Variants in RLF observed in about 807,000 individuals in gnomAD.
The protein encoded by RLF is zinc finger protein Rlf.
Under a neutral mutation model 162.9 loss-of-function variants are expected in RLF, and 7 were observed. That is an observed-to-expected ratio of 0.04 (90% CI 0.02 to 0.08). The LOEUF is 0.08. Among genes scored for constraint, RLF ranks in the 10% least tolerant of loss-of-function variants. The pLI is 1.00. For synonymous variants in RLF, 782 were observed against 791.5 expected, an observed-to-expected ratio of 0.99 and a Z score of 0.20; for missense variants, 1,664 against 2,244.7, an observed-to-expected ratio of 0.74 and a Z score of 5.23.
chr1:40,211,660 T>A (rs867293062), intron 5 of RLF, among the ~76,000 whole-genome samples: 1 of 152,162 alleles, frequency 6.6e-6, no homozygotes. Context: ...TCACTCTTGT[T>A]GCCCAAGCTG....
At chr1:40,235,021 GT>G (rs1362189446) in intron 7 of RLF, among the ~76,000 whole-genome samples, 1 of 145,718 alleles carries the variant, frequency 6.9e-6, no homozygotes, top group Non-Finnish European at 1.5e-5. Flanking sequence ...TATCTTTGAA[GT>G]TTTGAAAAAT....
chr1:40,185,227 T>A (rs1417417543), intron 1 of RLF, among the ~76,000 whole-genome samples: 1 of 151,336 alleles, frequency 6.6e-6, no homozygotes, highest in Non-Finnish European at 1.5e-5. Context: ...TCTAGCCGGG[T>A]TCAAGCAATT....
chr1:40,178,643 T>G (rs1225273929), intron 1 of RLF, among the ~76,000 whole-genome samples: 83 of 137,776 alleles, frequency 6.0e-4, no homozygotes, highest in African/African-American at 2.6e-3. Context: ...TTTTTTTTTT[T>G]TTTTTGGAGA....
intron 5 of RLF, among the ~76,000 whole-genome samples, chr1:40,217,469 T>C (rs746073348): frequency 3.3e-5 from 5 of 151,168 alleles, no homozygotes; most frequent in Non-Finnish European, 4.4e-5. Flanking sequence ...AGACCCTGTC[T>C]CTTATAGTAA....
chr1:40,228,972 T>G (rs75461698), intron 6 of RLF, among the ~76,000 whole-genome samples: 2 of 152,120 alleles, frequency 1.3e-5, no homozygotes, highest in East Asian at 1.9e-4. Context: ...GTGGCTAAGC[T>G]TTTTTTGTTT....
intron 5 of RLF, among the ~76,000 whole-genome samples, chr1:40,221,917 A>AAAAAAAAAAAAAAAAAAAAAAAAAAAG (rs1486982312): frequency 6.7e-6 from 1 of 150,284 alleles, no homozygotes; most frequent in Admixed American, 6.6e-5. Context: ...AAAAAAAAAA[A>AAAAAAAAAAAAAAAAAAAAAAAAAAAG]AGAGAAAGGA....
intron 6 of RLF, among the ~76,000 whole-genome samples, chr1:40,224,608 C>T (rs1321407768): frequency 1.2e-5 from 1 of 81,586 alleles, no homozygotes; most frequent in Non-Finnish European, 2.5e-5. Flanking sequence ...TTTCCCCTTC[C>T]ATTGTTTTTG....
intron 1 of RLF, among the ~76,000 whole-genome samples, chr1:40,187,116 CCGCCTCCCAGGTTCAAG>C (rs1283085102): frequency 6.6e-6 from 1 of 151,886 alleles, no homozygotes; most frequent in East Asian, 1.9e-4. Context: ...ACTGCAACCT[CCGCCTCCCAGGTTCAAG>C]CGATTTTCCT....
intron 4 of RLF, among the ~76,000 whole-genome samples, chr1:40,201,979 G>A (rs1272411951): frequency 6.6e-6 from 1 of 152,086 alleles, no homozygotes; most frequent in African/African-American, 2.4e-5. Flanking sequence ...GAAATGCCTG[G>A]TTTAGAGGAA....
chr1:40,162,351 G>T (rs972068218), intron 1 of RLF, among the ~76,000 whole-genome samples: 1 of 151,952 alleles, frequency 6.6e-6, no homozygotes, highest in Admixed American at 6.6e-5. Context: ...GCCTTGGTGG[G>T]TCCTAACCTA....
At chr1:40,227,585 T>C (rs1241561644) in intron 6 of RLF, among the ~76,000 whole-genome samples, 1 of 152,186 alleles carries the variant, frequency 6.6e-6, no homozygotes, top group Non-Finnish European at 1.5e-5. Context: ...TATGCAAATA[T>C]TTTTACAAAA....
rs767925321 is a variant in RLF at position 40,189,056 on chromosome 1, C to T, written c.239C>T (p.Thr80Ile). Residue 80 changes from threonine to isoleucine, a missense_variant and splice_region_variant, in exon 2 of 8, where the codon ACC (threonine) becomes ATC (isoleucine). Physicochemically the swap from Thr to Ile is moderately conservative, Grantham distance 89. Transcript: ENST00000372771. ...SLNYCRSFCQ[T>I]LLQYASNKNA... ...ATAATTTTTAATTTTATTTTGTAGA[C>T]CTTATTGCAATATGCAAGCAACAAG... 5.8e-6 allele frequency: 9 copies of T among 1,559,592 alleles called. No individual in the cohort carries two copies. Among genetic ancestry groups the T allele is most frequent in the African/African-American group, 1.4e-5 (1 of 73,120 alleles).
chr1:40,162,444 A>G (rs1027985502), intron 1 of RLF, among the ~76,000 whole-genome samples: 6 of 152,160 alleles, frequency 3.9e-5, no homozygotes, highest in African/African-American at 1.4e-4. Context: ...TCTTTTACAA[A>G]TACAAATATT....
In RLF at chr1:40,205,268, A is replaced by G. The variant is rs369886110; in HGVS notation, c.810+2654A>G. On this transcript the variant is annotated intron_variant, in intron 5 of 7. Coordinates refer to ENST00000372771, the MANE Select transcript of RLF (RefSeq NM_012421.4). ...CGGGAATTGCTTGAGCCCAGGAGGC[A>G]GAGGCTGCAGTAAGCTGAGATCACG... Among the ~76,000 whole-genome samples, 13 of 152,236 alleles carry G rather than the reference A, an allele frequency of 8.5e-5. 1 individual carries two copies. The highest frequency in any genetic ancestry group is 3.9e-4 in the East Asian group (2 of 5,182).
At chr1:40,197,777 C>T (rs1642657050) in intron 4 of RLF, among the ~76,000 whole-genome samples, 1 of 152,168 alleles carries the variant, frequency 6.6e-6, no homozygotes, top group Non-Finnish European at 1.5e-5. Context: ...AACATGTAGC[C>T]TGCCTCCTTT....
Position 40,239,061 on chromosome 1 carries a change from G to A in RLF, c.4359G>A (p.Gln1453=). ...EIHCDLNGCG[Q]IFTHRSNYSQ... ...ATTGTGATCTTAATGGCTGTGGCCAGATTTTCACCCATCGCAGTAATTACT... is the reference window on the plus strand; with the variant it reads ...ATTGTGATCTTAATGGCTGTGGCCAAATTTTCACCCATCGCAGTAATTACT... Residue 1453 remains glutamine (Q), a synonymous_variant, in exon 8 of 8, where the codon CAG becomes CAA. Transcript: ENST00000372771. 1 of 1,614,144 alleles carries A rather than the reference G, an allele frequency of 6.2e-7. No individual in the cohort carries two copies. Among genetic ancestry groups the A allele is most frequent in the Non-Finnish European group, 8.5e-7 (1 of 1,180,018 alleles).
intron 1 of RLF, among the ~76,000 whole-genome samples, chr1:40,172,937 C>A (rs908133696): frequency 6.6e-6 from 1 of 152,148 alleles, no homozygotes; most frequent in Admixed American, 6.5e-5. Context: ...TATGTACTTC[C>A]GCCAATAGTG....
At chr1:40,200,972 TAC>T (rs1037003735) in intron 4 of RLF, among the ~76,000 whole-genome samples, 2 of 98,944 alleles carry the variant, frequency 2.0e-5, no homozygotes, top group Non-Finnish European at 3.8e-5. Flanking sequence ...ATTGCTACTC[TAC>T]ACACACACAC....
intron 4 of RLF, among the ~76,000 whole-genome samples, chr1:40,201,923 T>C (rs189764073): frequency 2.6e-5 from 4 of 152,302 alleles, no homozygotes; most frequent in Non-Finnish European, 5.9e-5. Flanking sequence ...CCTTTTTTTT[T>C]CTAGGACTAT....
Sources: allele counts gnomAD v4.1 joint callset (sites outside exome capture counted in the v4.1 genomes callset), GRCh38; gene constraint gnomAD v4.1.1; transcripts MANE v1.5; gene names NCBI Gene and HGNC (gene_info 2026-07-23, HGNC 2026-07-21).